The following GRAMD1A variants were observed in gnomAD, a reference collection of about 807,000 sequenced individuals.
GRAMD1A encodes protein Aster-A.
A neutral mutation model predicts 92.0 loss-of-function variants in GRAMD1A; 50 were observed. The observed-to-expected ratio is 0.54, with a 90% CI of 0.43 to 0.69. The LOEUF (loss-of-function observed/expected upper bound fraction) is 0.69. GRAMD1A is among the 30% of genes least tolerant of loss of function. The pLI, the probability that GRAMD1A is intolerant of heterozygous loss-of-function variation, is 0.00. For missense variants in GRAMD1A, 819 were observed against 978.9 expected (o/e 0.84, Z 2.18); for synonymous variants, 405 against 403.6 (o/e 1.00, Z -0.04).
upstream of GRAMD1A, chr19:35,000,215 G>A (rs2014237184): frequency 9.8e-7 from 1 of 1,019,334 alleles, no homozygotes. This position sits in a 1 kb window ranked among gnomAD's most constrained non-coding sequence, Gnocchi z 4.9. Context: ...AGGCCTCTGC[G>A]GCCCCTCCCC....
At chr19:35,005,497 C>A (rs1189052239) in intron 1 of GRAMD1A, among the ~76,000 whole-genome samples, 1 of 151,954 alleles carries the variant, frequency 6.6e-6, no homozygotes, top group African/African-American at 2.4e-5. Context: ...AGAGAGGGAC[C>A]ACCCAGGAGG....
Position 35,013,057 on chromosome 19 carries a change from T to C in GRAMD1A, c.607-199T>C. 1 of 558,408 alleles carries C rather than the reference T, an allele frequency of 1.8e-6. No individual in the cohort carries two copies. Among genetic ancestry groups the C allele is most frequent in the African/African-American group, 1.9e-5 (1 of 53,506 alleles). 34.6% of individuals were successfully genotyped at this position (558,408 alleles called of 1,614,324 possible). A position where few individuals can be genotyped will look rare whatever the true frequency, so the allele number is the denominator to read the frequency against. On this transcript the variant is annotated intron_variant, in intron 7 of 19. Coordinates refer to ENST00000317991, the MANE Select transcript of GRAMD1A (RefSeq NM_020895.5). This position sits in a 1 kb window ranked among gnomAD's most constrained non-coding sequence, Gnocchi z 4.9. ...TGTGGGGACTTGGGAAGCAGGAAGTTTGAGTCCTGGGCGCAGGCCCTGGAG... is the reference window on the plus strand; with the variant it reads ...TGTGGGGACTTGGGAAGCAGGAAGTCTGAGTCCTGGGCGCAGGCCCTGGAG...
chr19:35,022,334 G>A (rs779397944), intron 16 of GRAMD1A, among the ~76,000 whole-genome samples: 7 of 152,284 alleles, frequency 4.6e-5, no homozygotes, highest in Non-Finnish European at 8.8e-5. Context: ...GGAATTAGGT[G>A]CACAGGGAGA....
rs778466511 is a variant in GRAMD1A, at chr19:35,013,285, G to A, written c.636G>A (p.Leu212=). ...TGAGTCCCCGCGAGCTCTGGCACCT[G>A]GTGCATCAGTGCTACGGCTCAGAGC... ...KTLSPRELWH[L]VHQCYGSELG... is the part of the protein sequence containing the mutation. Residue 212 remains leucine (L), a synonymous_variant, in exon 8 of 20, where the codon CTG becomes CTA. Coordinates refer to ENST00000317991, the MANE Select transcript of GRAMD1A (RefSeq NM_020895.5). The surrounding 1 kb of genome is among the most constrained non-coding windows in gnomAD (Gnocchi z 4.9). 1.3e-6 allele frequency: 2 copies of A among 1,548,464 alleles called. No homozygotes were observed. Among genetic ancestry groups the A allele is most frequent in the Admixed American group, 2.0e-5 (1 of 50,980 alleles).
chr19:35,012,016 C>T (rs1302403757), intron 7 of GRAMD1A, among the ~76,000 whole-genome samples: 2 of 152,188 alleles, frequency 1.3e-5, no homozygotes, highest in Admixed American at 6.5e-5. Flanking sequence ...GGACAGCGCA[C>T]AGTCAGGCCC....
At chr19:34,996,549 G>A (rs1175437709), upstream of GRAMD1A, among the ~76,000 whole-genome samples, 1 of 152,240 alleles carries the variant, frequency 6.6e-6, no homozygotes, top group Non-Finnish European at 1.5e-5. Flanking sequence ...GCTCACGCCT[G>A]TAATCCCAGC....
chr19:35,025,552 G>T (rs892845787), intron 19 of GRAMD1A, among the ~76,000 whole-genome samples: 1 of 152,132 alleles, frequency 6.6e-6, no homozygotes, highest in Non-Finnish European at 1.5e-5. Flanking sequence ...CCGTTATCCC[G>T]GTTTTATACA....
At chr19:35,024,369 C>G (rs1294472026) in intron 19 of GRAMD1A, among the ~76,000 whole-genome samples, 1 of 152,174 alleles carries the variant, frequency 6.6e-6, no homozygotes, top group Non-Finnish European at 1.5e-5. Flanking sequence ...GATGTCATCA[C>G]ACGACAATTC....
intron 7 of GRAMD1A, among the ~76,000 whole-genome samples, chr19:35,012,829 G>T (rs1385856071): frequency 6.6e-6 from 1 of 152,214 alleles, no homozygotes; most frequent in African/African-American, 2.4e-5. Context: ...GCAAAAATTA[G>T]CTGGGCGTGG....
upstream of GRAMD1A, chr19:35,000,254 C>T (rs2014240570): frequency 9.7e-7 from 1 of 1,025,900 alleles, no homozygotes; most frequent in Middle Eastern, 4.8e-4. The surrounding 1 kb of genome is among the most constrained non-coding windows in gnomAD (Gnocchi z 4.9). Flanking sequence ...GGGGCGGCGC[C>T]GTGACGCGGC....
In GRAMD1A at chr19:35,010,354, T is replaced by C. The variant is rs1309282788; in HGVS notation, c.500T>C (p.Ile167Thr). 1 of 1,613,216 alleles carries C rather than the reference T, an allele frequency of 6.2e-7. No homozygotes were observed. Among genetic ancestry groups the C allele is most frequent in the East Asian group, 2.2e-5 (1 of 44,878 alleles). ...EKTAKLIPNAIQICTESEKHF... is the reference protein window; with the variant it reads ...EKTAKLIPNATQICTESEKHF... ...ACGGCCAAGCTGATCCCCAACGCCA[T>C]CCAGATCTGCACGGAGAGCGAGAAG... The change falls in exon 6 of 20, where the codon ATC becomes ACC. Residue 167 changes from isoleucine (I) to threonine (T), a missense_variant. By Grantham distance (89) the Ile-to-Thr change is moderately conservative. Coordinates refer to ENST00000317991, the MANE Select transcript of GRAMD1A (RefSeq NM_020895.5).
At position 35,014,374 on chromosome 19, in the gene GRAMD1A, C is replaced by T; in HGVS notation, c.1056C>T (p.Ser352=). The T allele has an allele frequency of 1.2e-6, 2 of 1,613,670 alleles. No homozygotes were observed. The highest frequency in any genetic ancestry group is 1.7e-6 in the Non-Finnish European group (2 of 1,179,574). ...CAGACACAAGTAACTCCTCTTCATC[C>T]ACTGGGGAGGAAGGTGAGGCAGGCG... ...LLTDTSNSSS[S]TGEEADLAAL... is the part of the protein sequence containing the mutation. Residue 352 remains serine, a synonymous_variant, in exon 10 of 20, where the codon TCC becomes TCT. Transcript: ENST00000317991.
Position 35,021,800 on chromosome 19 carries a change from T to C in GRAMD1A, c.1689T>C (p.Ala563=), listed in dbSNP as rs752634750. The change falls in exon 15 of 20, where the codon GCT becomes GCC. Residue 563 remains alanine (A), a synonymous_variant. Transcript: ENST00000317991. This position sits in a 1 kb window ranked among gnomAD's most constrained non-coding sequence, Gnocchi z 5.3. The part of the protein sequence containing the change: ...RRRKRPLSWR[A]HGDGPQHPDP... ...GGAAGCGGCCCCTGAGCTGGCGGGC[T>C]CACGGGGACGGGCCCCAGCACCCAG... is the stretch of plus-strand genomic sequence containing the variant. 6.2e-7 allele frequency: 1 copy of C among 1,610,392 alleles called. No individual in the cohort carries two copies. The highest frequency in any genetic ancestry group is 1.1e-5 in the South Asian group (1 of 90,724).
At chr19:35,014,091 G>C (rs1352654942) in intron 9 of GRAMD1A, 98 bp from the exon 10 acceptor site, 2 of 1,159,294 alleles carry the variant, frequency 1.7e-6, no homozygotes, top group East Asian at 4.8e-5. Context: ...ACCACCCCGG[G>C]TCTGCACAGG....
intron 1 of GRAMD1A, among the ~76,000 whole-genome samples, chr19:35,005,638 T>TTA (rs2014756663): frequency 6.6e-6 from 1 of 152,084 alleles, no homozygotes; most frequent in Admixed American, 6.5e-5. Context: ...CACTGGCTGT[T>TTA]TAATTATTTT....
intron 10 of GRAMD1A, 57 bp downstream of exon 10, chr19:35,014,444 T>G (rs2015480377): frequency 1.3e-6 from 2 of 1,486,888 alleles, no homozygotes; most frequent in African/African-American, 2.8e-5. Flanking sequence ...TCGCTCAGTC[T>G]TAAGCAAGAG....
At chr19:35,014,494 G>T in intron 10 of GRAMD1A, 107 bp downstream of exon 10, 1 of 954,336 alleles carries the variant, frequency 1.0e-6, no homozygotes, top group Non-Finnish European at 1.6e-6. Flanking sequence ...CCAGGGGCAG[G>T]CGGGATGGCG....
At position 35,000,586 on chromosome 19, in the gene GRAMD1A, G is replaced by A. The variant is rs1486573167; in HGVS notation, c.8+100G>A. ...TTGGGGAGGGGGCGGAGCGGCCGCT[G>A]CAGAGGTCGGGGGCCTCTGCACATG... On this transcript the variant is annotated intron_variant, in intron 1 of 19. Coordinates refer to ENST00000317991, the MANE Select transcript of GRAMD1A (RefSeq NM_020895.5). The surrounding 1 kb of genome is among the most constrained non-coding windows in gnomAD (Gnocchi z 4.9). 4 of 865,742 alleles carry A rather than the reference G, an allele frequency of 4.6e-6. No homozygotes were observed. The highest frequency in any genetic ancestry group is 5.9e-6 in the Non-Finnish European group (4 of 678,630). The allele number at this position is 865,742 out of a possible 1,614,324, so 53.6% of individuals were successfully genotyped here. A position where few individuals can be genotyped will look rare whatever the true frequency, so the allele number is the denominator to read the frequency against.
chr19:35,019,262 A>G lies in GRAMD1A; in HGVS notation c.1285A>G (p.Ile429Val). 1.2e-6 allele frequency: 2 copies of G among 1,613,598 alleles called. No homozygotes were observed. Among genetic ancestry groups the G allele is most frequent in the Non-Finnish European group, 8.5e-7 (1 of 1,179,690 alleles). ...QRRVLTYTIP[I>V]SNPLGPKSAS... ...CCGGGTGCTGACGTACACCATCCCC[A>G]TCAGCAACCCACTGGGCCCCAAGAG... The change falls in exon 12 of 20, where the codon ATC (isoleucine) becomes GTC (valine). Residue 429 changes from isoleucine (I) to valine (V), a missense_variant. This residue lies in a region of GRAMD1A where 577 missense variants were observed against 674.6 expected (regional missense o/e 0.86). Coordinates refer to ENST00000317991, the MANE Select transcript of GRAMD1A (RefSeq NM_020895.5).
Sources: allele counts gnomAD v4.1 joint callset (sites outside exome capture counted in the v4.1 genomes callset), GRCh38; gene constraint gnomAD v4.1.1; regional missense constraint gnomAD v4.1.1; non-coding constraint Gnocchi (gnomAD v3.1); transcripts MANE v1.5; gene names NCBI Gene and HGNC (gene_info 2026-07-23, HGNC 2026-07-21).